KATNIP: variants seen among roughly 807,000 people sequenced by gnomAD.
The protein encoded by KATNIP is katanin-interacting protein.
In KATNIP, 126 loss-of-function variants were observed where a neutral mutation model predicts 174.0. That is an observed-to-expected ratio of 0.72 (90% CI 0.63 to 0.84). The LOEUF (loss-of-function observed/expected upper bound fraction) is 0.84. Among genes scored for constraint, KATNIP ranks in the 40% least tolerant of loss-of-function variants. KATNIP has a pLI of 0.00. For missense variants in KATNIP, 1,958 were observed against 2,109.7 expected (o/e 0.93, Z 1.41); for synonymous variants, 810 against 835.7 (o/e 0.97, Z 0.53).
At chr16:27,692,672 C>T (rs1377374069) in intron 8 of KATNIP, among the ~76,000 whole-genome samples, 1 of 152,210 alleles carries the variant, frequency 6.6e-6, no homozygotes, top group African/African-American at 2.4e-5. Context: ...CAGATATCCT[C>T]TTCCCAGATG....
rs544360101 is a variant in KATNIP at position 27,601,158 on chromosome 16, G to A, written c.64-17267G>A. Among the ~76,000 whole-genome samples, 13 of 152,078 alleles carry A rather than the reference G, an allele frequency of 8.5e-5. 1 individual carries two copies. The highest frequency in any genetic ancestry group is 2.9e-4 in the African/African-American group (12 of 41,486). On this transcript the variant is annotated intron_variant, in intron 2 of 27. Transcript: ENST00000261588. ...TTCCTCCCTTTCCTTCTGTTCCTCC[G>A]TGTTCTTTCCTTTCTGCAAATCCTT...
chr16:27,602,768 G>A (rs181344251), intron 2 of KATNIP, among the ~76,000 whole-genome samples: 63 of 151,894 alleles, frequency 4.1e-4, no homozygotes, highest in Middle Eastern at 6.8e-3. Context: ...GCACAATCTC[G>A]GCTCACTGCA....
chr16:27,626,562 A>G (rs970011002), intron 3 of KATNIP, among the ~76,000 whole-genome samples: 1 of 152,148 alleles, frequency 6.6e-6, no homozygotes, highest in Non-Finnish European at 1.5e-5. Context: ...CTAAGTTTGC[A>G]TTCTACCCCT....
chr16:27,672,605 A>C (rs1032476411), intron 6 of KATNIP, among the ~76,000 whole-genome samples: 2 of 152,264 alleles, frequency 1.3e-5, no homozygotes, highest in South Asian at 4.2e-4. Context: ...TGTCTTCCCC[A>C]TTGGTTGGGC....
intron 8 of KATNIP, among the ~76,000 whole-genome samples, chr16:27,694,670 C>T (rs537586215): frequency 1.3e-5 from 2 of 152,148 alleles, no homozygotes; most frequent in African/African-American, 4.8e-5. Flanking sequence ...GTGGCGCATG[C>T]TTGTAGTCCC....
In KATNIP at chr16:27,769,940, A is replaced by T; in HGVS notation, c.4055A>T (p.Asn1352Ile). 2 of 1,614,232 alleles carry T rather than the reference A, an allele frequency of 1.2e-6. No individual in the cohort carries two copies. The highest frequency in any genetic ancestry group is 1.7e-6 in the Non-Finnish European group (2 of 1,180,032). The change falls in exon 21 of 28, where the codon AAC (asparagine) becomes ATC (isoleucine). Residue 1352 changes from asparagine (N) to isoleucine (I), a missense_variant. By Grantham distance (149) the Asn-to-Ile change is moderately radical. Around this residue, in one of 3 missense-constraint regions of KATNIP, gnomAD observed 383 missense variants for 456.0 expected, o/e 0.84. Coordinates refer to ENST00000261588, the MANE Select transcript of KATNIP (RefSeq NM_015202.5). ...TTTCTCATCCGGAAGGGGCCAGGCAACTGCCACTTTGATTTTGCTCAAGAA... is the reference window on the plus strand; with the variant it reads ...TTTCTCATCCGGAAGGGGCCAGGCATCTGCCACTTTGATTTTGCTCAAGAA... Reference protein sequence around the residue: ...EGFLIRKGPGNCHFDFAQEIL... With the variant: ...EGFLIRKGPGICHFDFAQEIL...
intron 5 of KATNIP, chr16:27,632,405 T>A (rs2076517036): frequency 3.2e-6 from 1 of 308,736 alleles, no homozygotes. Context: ...GTAGGAGGAG[T>A]TATGAATATT....
At chr16:27,770,425 C>T (rs765570175) in intron 21 of KATNIP, among the ~76,000 whole-genome samples, 10 of 152,198 alleles carry the variant, frequency 6.6e-5, no homozygotes, top group Admixed American at 1.3e-4. Context: ...TGGGATTTCT[C>T]GGCCCCAGTC....
At chr16:27,611,488 A>G (rs758559556) in intron 2 of KATNIP, among the ~76,000 whole-genome samples, 8 of 152,246 alleles carry the variant, frequency 5.3e-5, no homozygotes, top group Non-Finnish European at 7.3e-5. Flanking sequence ...CTTAGCAATT[A>G]TCGTCATAGA....
At chr16:27,607,094 A>C (rs564944013) in intron 2 of KATNIP, among the ~76,000 whole-genome samples, 1 of 152,184 alleles carries the variant, frequency 6.6e-6, no homozygotes, top group East Asian at 1.9e-4. Context: ...GAACCATCAC[A>C]TGGCCGGGGA....
chr16:27,576,869 G>C (rs769602694), intron 2 of KATNIP, among the ~76,000 whole-genome samples: 12 of 152,182 alleles, frequency 7.9e-5, no homozygotes, highest in Admixed American at 3.3e-4. Flanking sequence ...AACAAATGTT[G>C]TATTTCTCAA....
intron 1 of KATNIP, among the ~76,000 whole-genome samples, chr16:27,567,941 G>C (rs1319230397): frequency 6.6e-6 from 1 of 152,140 alleles, no homozygotes; most frequent in African/African-American, 2.4e-5. Flanking sequence ...TCCAGGATGG[G>C]CAACAGAGCA....
intron 8 of KATNIP, among the ~76,000 whole-genome samples, chr16:27,694,590 G>A (rs189756350): frequency 2.8e-4 from 43 of 152,202 alleles, no homozygotes; most frequent in Admixed American, 9.8e-4. Flanking sequence ...GAGTCCAGGA[G>A]TTTGAGACCA....
chr16:27,749,949 G>A lies in KATNIP; in HGVS notation c.2989G>A (p.Glu997Lys). 1 of 1,614,178 alleles carries A rather than the reference G, an allele frequency of 6.2e-7. No homozygotes were observed. Among genetic ancestry groups the A allele is most frequent in the Non-Finnish European group, 8.5e-7 (1 of 1,180,022 alleles). ...DRHYVGLNGI[E>K]IFSSKGEPVQ... ...ACACTATGTCGGCCTCAACGGAATAGAAATATTCAGTTCCAAGGGTGAACC... is the reference window on the plus strand; with the variant it reads ...ACACTATGTCGGCCTCAACGGAATAAAAATATTCAGTTCCAAGGGTGAACC... Residue 997 changes from glutamate (E) to lysine (K), a missense_variant, in exon 16 of 28, where the codon GAA (glutamate) becomes AAA (lysine). This residue lies in a region of KATNIP where 1,557 missense variants were observed against 1,617.8 expected (regional missense o/e 0.96). Transcript: ENST00000261588.
intron 5 of KATNIP, among the ~76,000 whole-genome samples, chr16:27,635,969 C>T (rs2076623454): frequency 1.3e-5 from 2 of 152,076 alleles, no homozygotes; most frequent in Non-Finnish European, 2.9e-5. Context: ...CCCCAGGCAA[C>T]ATAGTGAGTC....
chr16:27,660,047 A>G, intron 6 of KATNIP: 1 of 971,564 alleles, frequency 1.0e-6, no homozygotes, highest in African/African-American at 1.8e-5. Flanking sequence ...TTTAGGGAGG[A>G]GAAATACCAA....
intron 1 of KATNIP, among the ~76,000 whole-genome samples, chr16:27,565,316 A>G (rs1489719747): frequency 1.3e-5 from 2 of 151,410 alleles, no homozygotes; most frequent in African/African-American, 2.4e-5. Context: ...AAATGCAAAA[A>G]TTAGCTGGGT....
At chr16:27,714,206 G>C (rs2143008554) in intron 13 of KATNIP, among the ~76,000 whole-genome samples, 1 of 151,842 alleles carries the variant, frequency 6.6e-6, no homozygotes, top group East Asian at 1.9e-4. Context: ...TCCCACCCCA[G>C]TCACTATCAC....
In KATNIP at chr16:27,740,522, GAAA is replaced by G; in HGVS notation, c.2228_2230del (p.Lys743del). 1 of 1,614,146 alleles carries G rather than the reference GAAA, an allele frequency of 6.2e-7. No homozygotes were observed. The highest frequency in any genetic ancestry group is 8.5e-7 in the Non-Finnish European group (1 of 1,180,020). On this transcript the variant is annotated inframe_deletion, in exon 15 of 28. Coordinates refer to ENST00000261588, the MANE Select transcript of KATNIP (RefSeq NM_015202.5). ...CAACAACTGGAAAACCTCATGGGCA[GAAA>G]AATCTGTGAGCCACCCGGGAAAACC...
Sources: allele counts gnomAD v4.1 joint callset (sites outside exome capture counted in the v4.1 genomes callset), GRCh38; gene constraint gnomAD v4.1.1; regional missense constraint gnomAD v4.1.1; transcripts MANE v1.5; gene names NCBI Gene and HGNC (gene_info 2026-07-23, HGNC 2026-07-21).